ZMYM2: variants seen among roughly 807,000 people sequenced by gnomAD.
ZMYM2 encodes the protein zinc finger MYM-type protein 2.
In ZMYM2, 56 loss-of-function variants were observed where a neutral mutation model predicts 162.8. The ratio of observed to expected loss-of-function variants is 0.34; its 90% CI spans 0.28 to 0.43. ZMYM2 has a LOEUF of 0.43. Among genes scored for constraint, ZMYM2 ranks in the 20% least tolerant of loss-of-function variants. The pLI is 1.00. For synonymous variants in ZMYM2, 510 were observed against 541.6 expected, an observed-to-expected ratio of 0.94 and a Z score of 0.81; for missense variants, 1,275 against 1,621.8, an observed-to-expected ratio of 0.79 and a Z score of 3.67.
chr13:20,004,991 A>G (rs962087220), intron 4 of ZMYM2, 83 bp from the exon 5 acceptor site: 3 of 1,114,946 alleles, frequency 2.7e-6, no homozygotes, highest in Non-Finnish European at 2.6e-6. Flanking sequence ...GACTTAGTCT[A>G]TAGAAATGAA....
At chr13:19,868,100 C>T in the ZMYM2 span, among the ~76,000 whole-genome samples, 1 of 152,216 alleles carries the variant, frequency 6.6e-6, no homozygotes, top group Non-Finnish European at 1.5e-5. Flanking sequence ...AAACCCCCAA[C>T]CTTCTCTTTG....
At chr13:19,947,772 G>T in the ZMYM2 span, among the ~76,000 whole-genome samples, 12 of 152,078 alleles carry the variant, frequency 7.9e-5, no homozygotes, top group Non-Finnish European at 1.3e-4. Context: ...GGGATTACAG[G>T]TGTGAGCCAC....
At chr13:19,895,531 A>T in the ZMYM2 span, among the ~76,000 whole-genome samples, 1 of 151,904 alleles carries the variant, frequency 6.6e-6, no homozygotes. Context: ...GCAGGGCATC[A>T]CATGGTGAGG....
At chr13:20,074,935 G>A (rs1252096068) in intron 21 of ZMYM2, among the ~76,000 whole-genome samples, 1 of 152,136 alleles carries the variant, frequency 6.6e-6, no homozygotes, top group East Asian at 1.9e-4. Context: ...GGTTAAGATG[G>A]TAATTTTTTT....
chr13:20,055,288 AGT>A (rs1955702381), intron 14 of ZMYM2, among the ~76,000 whole-genome samples: 1 of 152,200 alleles, frequency 6.6e-6, no homozygotes, highest in African/African-American at 2.4e-5. Context: ...TCGATACTTA[AGT>A]GCTTTCACAG....
chr13:20,065,419 G>A (rs781233998), intron 19 of ZMYM2, among the ~76,000 whole-genome samples: 2 of 152,000 alleles, frequency 1.3e-5, no homozygotes, highest in African/African-American at 4.8e-5. Flanking sequence ...GATACCAAAC[G>A]CACAGGGAAG....
chr13:19,906,302 A>ATATATATATG, the ZMYM2 span, among the ~76,000 whole-genome samples: 1 of 121,364 alleles, frequency 8.2e-6, no homozygotes, highest in East Asian at 2.3e-4. Flanking sequence ...ATATATATAT[A>ATATATATATG]TATATATATA....
At chr13:19,922,767 C>A in the ZMYM2 span, among the ~76,000 whole-genome samples, 1 of 152,048 alleles carries the variant, frequency 6.6e-6, no homozygotes, top group South Asian at 2.1e-4. Context: ...TGGCGAGAAC[C>A]CGGGAGGCAG....
At chr13:19,953,898 AAAACTGT>A (rs1387094187), upstream of ZMYM2, among the ~76,000 whole-genome samples, 1 of 151,722 alleles carries the variant, frequency 6.6e-6, no homozygotes, top group African/African-American at 2.4e-5. Context: ...AAGAAGGGCT[AAAACTGT>A]ATAGACTAGA....
chr13:19,972,782 T>C lies in ZMYM2; in HGVS notation c.-11+12756T>C, dbSNP rs531491276. 6.1e-4 allele frequency among the ~76,000 whole-genome samples: 93 copies of C among 152,138 alleles called. 2 individuals are homozygous for C. The South Asian group carries it at 0.018, about 29-fold the overall frequency. On this transcript the variant is annotated intron_variant, in intron 2 of 24. Coordinates refer to ENST00000610343, the MANE Select transcript of ZMYM2 (RefSeq NM_197968.4). ...CCCTCCGTTATTCTTCTATACCAAC[T>C]GCATTTCCACCACTTCTTCCACATT...
intron 2 of ZMYM2, among the ~76,000 whole-genome samples, chr13:19,992,148 C>CA (rs1319521734): frequency 3.3e-5 from 5 of 150,488 alleles, no homozygotes; most frequent in South Asian, 2.1e-4. Flanking sequence ...TAGTGCCTGG[C>CA]AAAAAAAACA....
the ZMYM2 span, among the ~76,000 whole-genome samples, chr13:19,915,386 T>C: frequency 1.3e-5 from 2 of 151,332 alleles, no homozygotes; most frequent in Admixed American, 6.6e-5. Context: ...TGAGCCACCA[T>C]GCCTGCATGC....
the ZMYM2 span, among the ~76,000 whole-genome samples, chr13:19,918,343 G>C: frequency 6.6e-6 from 1 of 151,638 alleles, no homozygotes; most frequent in African/African-American, 2.4e-5. Context: ...TACTTGGGAA[G>C]CTGAGGCAGG....
the ZMYM2 span, among the ~76,000 whole-genome samples, chr13:19,873,426 T>TTATC: frequency 6.6e-6 from 1 of 150,686 alleles, no homozygotes; most frequent in Non-Finnish European, 1.5e-5. Flanking sequence ...ATTTATTTAT[T>TTATC]GAGGCAGAGT....
chr13:19,944,907 G>A, the ZMYM2 span, among the ~76,000 whole-genome samples: 2 of 152,010 alleles, frequency 1.3e-5, no homozygotes, highest in East Asian at 3.8e-4. Flanking sequence ...CTGACTTCAG[G>A]TGATCCTCCC....
chr13:19,966,141 T>C (rs1470639914), intron 2 of ZMYM2, among the ~76,000 whole-genome samples: 4 of 150,746 alleles, frequency 2.7e-5, no homozygotes, highest in African/African-American at 4.9e-5. Flanking sequence ...TGTTTTGTTT[T>C]GTTTTGTTTT....
intron 12 of ZMYM2, among the ~76,000 whole-genome samples, chr13:20,040,592 C>G (rs1479607393): frequency 6.6e-6 from 1 of 152,102 alleles, no homozygotes; most frequent in Non-Finnish European, 1.5e-5. Context: ...TTTTTCATGT[C>G]TCAGTCTCCT....
Position 20,027,277 on chromosome 13 carries a change from CTG to C in ZMYM2, c.1812_1813del (p.Tyr605GlnfsTer10). ...QYQATMPDGK[L>X]YNFCNSSCVA... is the part of the protein sequence containing the mutation. ...CCAAGCCACAATGCCTGATGGAAAA[CTG>C]TACAACTTTTGCAATTCCAGTTGTG... On this transcript the variant is annotated frameshift_variant, in exon 9 of 25. Coordinates refer to ENST00000610343, the MANE Select transcript of ZMYM2 (RefSeq NM_197968.4). LOFTEE classifies it high-confidence loss of function. 1 of 1,581,878 alleles carries C rather than the reference CTG, an allele frequency of 6.3e-7. No individual in the cohort carries two copies. Among genetic ancestry groups the C allele is most frequent in the Non-Finnish European group, 8.6e-7 (1 of 1,161,880 alleles).
chr13:20,039,051 A>G (rs1953993374), intron 12 of ZMYM2, among the ~76,000 whole-genome samples: 1 of 151,904 alleles, frequency 6.6e-6, no homozygotes, highest in African/African-American at 2.4e-5. Context: ...TTTCAATGAG[A>G]TTGTGTATCT....
Sources: gnomAD v4.1 joint callset for allele counts (sites outside exome capture counted in the v4.1 genomes callset) on GRCh38, gnomAD v4.1.1 for gene constraint, MANE v1.5 for transcripts, NCBI Gene and HGNC (gene_info 2026-07-23, HGNC 2026-07-21) for gene names.